DPY19L2: variants seen among roughly 807,000 people sequenced by gnomAD.
The protein encoded by DPY19L2 is dpy-19 like 2.
In DPY19L2, 34 loss-of-function variants were observed where a neutral mutation model predicts 97.9. That is an observed-to-expected ratio of 0.35 (90% CI 0.26 to 0.46). The LOEUF is 0.46. Among genes scored for constraint, DPY19L2 ranks in the 20% least tolerant of loss-of-function variants. The pLI is 1.00. For missense variants in DPY19L2, 623 were observed against 911.4 expected, an observed-to-expected ratio of 0.68 and a Z score of 4.07; for synonymous variants, 230 against 307.9, an observed-to-expected ratio of 0.75 and a Z score of 2.65.
intron 4 of DPY19L2, among the ~76,000 whole-genome samples, chr12:63,656,201 A>C (rs1218417911): frequency 6.6e-6 from 1 of 152,132 alleles, no homozygotes; most frequent in Non-Finnish European, 1.5e-5. Flanking sequence ...ACCCAACATG[A>C]TTAAATCCAA....
intron 11 of DPY19L2, among the ~76,000 whole-genome samples, chr12:63,610,738 G>C (rs1238535776): frequency 6.8e-6 from 1 of 147,418 alleles, no homozygotes; most frequent in Non-Finnish European, 1.5e-5. Flanking sequence ...AAATTGAAGA[G>C]AACACTTCTA....
intron 8 of DPY19L2, among the ~76,000 whole-genome samples, chr12:63,622,735 G>T (rs1956693793): frequency 6.6e-6 from 1 of 152,094 alleles, no homozygotes; most frequent in African/African-American, 2.4e-5. Flanking sequence ...AGACTAGCCT[G>T]GCCAACATGG....
chr12:63,635,534 C>T (rs1479622223), intron 6 of DPY19L2, among the ~76,000 whole-genome samples: 1 of 151,926 alleles, frequency 6.6e-6, no homozygotes, highest in Non-Finnish European at 1.5e-5. Flanking sequence ...AGCTAAAAAC[C>T]TTGAAAAAAG....
intron 6 of DPY19L2, among the ~76,000 whole-genome samples, chr12:63,629,116 A>G (rs1208439169): frequency 1.3e-5 from 2 of 152,136 alleles, no homozygotes; most frequent in East Asian, 3.9e-4. Flanking sequence ...AAGATGGGGA[A>G]AAAACAGAGC....
In DPY19L2 at chr12:63,595,950, A is replaced by C. The variant is rs1183294884; in HGVS notation, c.1533+16T>G. 1.9e-6 allele frequency: 3 copies of C among 1,552,482 alleles called. No individual in the cohort carries two copies. The highest frequency in any genetic ancestry group is 2.6e-6 in the Non-Finnish European group (3 of 1,145,652). On this transcript the variant is annotated intron_variant, in intron 15 of 21. Transcript: ENST00000324472. ...ATATTGATGCCAAAAACAAATAATA[A>C]TTTGTTTAAAAATACCTTTTTAAAG...
Position 63,582,405 on chromosome 12 carries a change from C to T in DPY19L2, c.1725+1G>A. 1 of 1,610,750 alleles carries T rather than the reference C, an allele frequency of 6.2e-7. No individual in the cohort carries two copies. Among genetic ancestry groups the T allele is most frequent in the Non-Finnish European group, 8.5e-7 (1 of 1,178,768 alleles). On this transcript the variant is annotated splice_donor_variant, in intron 18 of 21. Coordinates refer to ENST00000324472, the MANE Select transcript of DPY19L2 (RefSeq NM_173812.5). LOFTEE classifies it high-confidence loss of function. ...TTGTTATACAAGAATGAATCCCTTA[C>T]CTGTCGAGAGCATATCAAGGAAGCC...
chr12:63,597,167 T>C (rs1406216187), intron 14 of DPY19L2, among the ~76,000 whole-genome samples: 1 of 150,774 alleles, frequency 6.6e-6, no homozygotes, highest in Non-Finnish European at 1.5e-5. Flanking sequence ...AGAGATGGAG[T>C]TACCACCATG....
intron 15 of DPY19L2, among the ~76,000 whole-genome samples, chr12:63,594,916 G>GA (rs1883950640): frequency 6.6e-6 from 1 of 152,132 alleles, no homozygotes; most frequent in Admixed American, 6.5e-5. Context: ...GGCCAGTAGA[G>GA]AAAATCTTCA....
chr12:63,612,749 A>G (rs1218686575), intron 11 of DPY19L2, among the ~76,000 whole-genome samples: 1 of 151,906 alleles, frequency 6.6e-6, no homozygotes, highest in Non-Finnish European at 1.5e-5. Flanking sequence ...TCGTTCCTTA[A>G]GAAAATTAAT....
At position 63,563,760 on chromosome 12, in the gene DPY19L2, A is replaced by G. The variant is rs544397699; in HGVS notation, c.2127-3098T>C. On this transcript the variant is annotated intron_variant, in intron 21 of 21. Coordinates refer to ENST00000324472, the MANE Select transcript of DPY19L2 (RefSeq NM_173812.5). ...GTTTCTCTCATGTTGGTATCAGGAT[A>G]ATGCTGACCTCACAGAACCAGTTGG... Among the ~76,000 whole-genome samples the G allele has an allele frequency of 3.9e-5, 6 of 152,238 alleles. No homozygotes were observed. In the South Asian group the frequency reaches 1.2e-3, roughly 32 times the overall value.
At chr12:63,661,644 T>C (rs1330212763) in intron 3 of DPY19L2, among the ~76,000 whole-genome samples, 163 bp from the exon 4 acceptor site, 5 of 152,102 alleles carry the variant, frequency 3.3e-5, no homozygotes, top group Middle Eastern at 3.4e-3. Context: ...AAAGAACACG[T>C]ATTTTCAGGT....
At chr12:63,661,148 G>A (rs545931376) in intron 4 of DPY19L2, 196 bp downstream of exon 4, 3 of 402,776 alleles carry the variant, frequency 7.4e-6, no homozygotes, top group East Asian at 4.7e-5. Context: ...TTCATTCTTC[G>A]AGTTCATGAG....
At chr12:63,589,798 A>G (rs1157545628) in intron 16 of DPY19L2, among the ~76,000 whole-genome samples, 1 of 152,166 alleles carries the variant, frequency 6.6e-6, no homozygotes, top group Non-Finnish European at 1.5e-5. Context: ...TGTAATGCAC[A>G]TAAGAGACAA....
intron 12 of DPY19L2, among the ~76,000 whole-genome samples, chr12:63,604,331 T>TA (rs1366700364): frequency 6.6e-6 from 1 of 152,190 alleles, no homozygotes; most frequent in Non-Finnish European, 1.5e-5. Flanking sequence ...GGGTTTGTCT[T>TA]ACTTGGGAAT....
intron 6 of DPY19L2, among the ~76,000 whole-genome samples, chr12:63,640,413 T>G (rs1168570613): frequency 6.6e-6 from 1 of 152,144 alleles, no homozygotes; most frequent in Non-Finnish European, 1.5e-5. Flanking sequence ...CCTTGTTTGA[T>G]TGGAAGAAGG....
intron 16 of DPY19L2, among the ~76,000 whole-genome samples, chr12:63,586,452 T>G (rs990208157): frequency 6.6e-6 from 1 of 152,142 alleles, no homozygotes; most frequent in African/African-American, 2.4e-5. Flanking sequence ...AATTTCAGCA[T>G]AACCTGGAAG....
intron 12 of DPY19L2, among the ~76,000 whole-genome samples, chr12:63,605,122 C>T (rs1885818164): frequency 6.6e-6 from 1 of 152,076 alleles, no homozygotes; most frequent in Non-Finnish European, 1.5e-5. Context: ...CCCTGGTGCT[C>T]CGTCTCAGCC....
chr12:63,583,508 G>GC (rs1881290958), intron 17 of DPY19L2, among the ~76,000 whole-genome samples: 1 of 152,202 alleles, frequency 6.6e-6, no homozygotes, highest in South Asian at 2.1e-4. Flanking sequence ...AAGGGTGCCT[G>GC]CCCTAATGGA....
chr12:63,569,406 T>G (rs776172524), intron 20 of DPY19L2, 57 bp from the exon 21 acceptor site: 27 of 1,296,414 alleles, frequency 2.1e-5, no homozygotes, highest in Non-Finnish European at 2.4e-5. Flanking sequence ...TAGAATAGAC[T>G]AAAAAAATCT....
Sources: allele counts gnomAD v4.1 joint callset (sites outside exome capture counted in the v4.1 genomes callset), GRCh38; gene constraint gnomAD v4.1.1; transcripts MANE v1.5; gene names NCBI Gene and HGNC (gene_info 2026-07-23, HGNC 2026-07-21).